GRAP2: variants seen among roughly 807,000 people sequenced by gnomAD.
The protein encoded by GRAP2 is GRB2-related adapter protein 2.
In GRAP2, 31 loss-of-function variants were observed where a neutral mutation model predicts 43.5. The ratio of observed to expected loss-of-function variants is 0.71; its 90% CI spans 0.54 to 0.96. GRAP2 has a LOEUF of 0.96. Ranked by LOEUF, GRAP2 falls within the 40% of genes least tolerant of loss-of-function variation. The pLI, the probability that GRAP2 is intolerant of heterozygous loss-of-function variation, is 0.00. For missense variants in GRAP2, 371 were observed against 424.4 expected (o/e 0.87, Z 1.11); for synonymous variants, 156 against 164.8 (o/e 0.95, Z 0.41).
intron 2 of GRAP2, among the ~76,000 whole-genome samples, chr22:39,949,455 G>A (rs1185053134): frequency 6.6e-6 from 1 of 152,210 alleles, no homozygotes; most frequent in Non-Finnish European, 1.5e-5. Context: ...GCTAGCATGT[G>A]ACCAATCCAG....
At chr22:39,943,968 C>T (rs2066895951) in intron 1 of GRAP2, among the ~76,000 whole-genome samples, 1 of 152,090 alleles carries the variant, frequency 6.6e-6, no homozygotes, top group Non-Finnish European at 1.5e-5. Context: ...ATCCGCCCGC[C>T]TCCTGGGATT....
At chr22:39,952,179 A>G (rs2066991806) in intron 2 of GRAP2, among the ~76,000 whole-genome samples, 1 of 151,956 alleles carries the variant, frequency 6.6e-6, no homozygotes, top group South Asian at 2.1e-4. Context: ...GGCATGCACC[A>G]CCATGCCTGG....
At chr22:39,944,181 T>G (rs1322211476) in intron 1 of GRAP2, among the ~76,000 whole-genome samples, 1 of 152,258 alleles carries the variant, frequency 6.6e-6, no homozygotes, top group African/African-American at 2.4e-5. Flanking sequence ...CAATGCAGTA[T>G]GTAGTGGTGG....
At chr22:39,902,375 A>G (rs187056634) in intron 1 of GRAP2, among the ~76,000 whole-genome samples, 72 of 152,340 alleles carry the variant, frequency 4.7e-4, no homozygotes, top group Middle Eastern at 3.4e-3. Context: ...CCAGTATTTT[A>G]TGTAAAACTT....
intron 1 of GRAP2, among the ~76,000 whole-genome samples, chr22:39,901,632 A>G (rs1260417932): frequency 6.6e-6 from 1 of 152,168 alleles, no homozygotes; most frequent in East Asian, 1.9e-4. Context: ...GGGATCATGG[A>G]GGTAAAATTC....
intron 4 of GRAP2, chr22:39,964,349 G>A: frequency 1.4e-6 from 1 of 710,608 alleles, no homozygotes; most frequent in Non-Finnish European, 2.5e-6. Flanking sequence ...CCAGTGGCAG[G>A]GTCTGGGGAA....
intron 4 of GRAP2, chr22:39,964,509 G>A (rs547519600): frequency 1.1e-5 from 11 of 1,009,870 alleles, no homozygotes; most frequent in Middle Eastern, 3.0e-4. Context: ...TGCTAAAAGC[G>A]AAGGTCGTGG....
chr22:39,947,022 A>G, intron 1 of GRAP2, 71 bp from the exon 2 acceptor site: 1 of 880,806 alleles, frequency 1.1e-6, no homozygotes, highest in East Asian at 2.4e-5. Flanking sequence ...GCTGATTACC[A>G]GGAAGCACCA....
chr22:39,920,943 G>GACACACACACACACACAC (rs137974), intron 1 of GRAP2, among the ~76,000 whole-genome samples: 10 of 142,586 alleles, frequency 7.0e-5, no homozygotes, highest in African/African-American at 5.1e-5. Context: ...TCTCTACACA[G>GACACACACACACACACAC]ACACACACAC....
Position 39,950,486 on chromosome 22 carries a change from G to A in GRAP2, c.78+3302G>A, listed in dbSNP as rs189083770. On this transcript the variant is annotated intron_variant, in intron 2 of 7. Transcript: ENST00000344138. ...TGTTTCTGCCTCAATGTCTAGAAGAGCTGTGCCTAGAACTCCCTGACACTT... is the reference window on the plus strand; with the variant it reads ...TGTTTCTGCCTCAATGTCTAGAAGAACTGTGCCTAGAACTCCCTGACACTT... Among the ~76,000 whole-genome samples the A allele has an allele frequency of 6.6e-5, 10 of 152,330 alleles. No individual in the cohort carries two copies. The East Asian group carries it at 1.7e-3, about 26-fold the overall frequency.
At chr22:39,950,749 G>C (rs2066973469) in intron 2 of GRAP2, among the ~76,000 whole-genome samples, 1 of 152,212 alleles carries the variant, frequency 6.6e-6, no homozygotes, top group African/African-American at 2.4e-5. Flanking sequence ...TGCAGGTAAA[G>C]AGCAAAATGG....
chr22:39,910,742 A>T (rs74534053), intron 1 of GRAP2, among the ~76,000 whole-genome samples: 3 of 100,916 alleles, frequency 3.0e-5, no homozygotes, highest in South Asian at 2.5e-4. Context: ...CTGTTGATTT[A>T]AAAAAAAAAA....
At chr22:39,968,322 C>A in intron 6 of GRAP2, 50 bp downstream of exon 6, 1 of 1,584,774 alleles carries the variant, frequency 6.3e-7, no homozygotes, top group Non-Finnish European at 8.6e-7. Flanking sequence ...GGAGAACCTG[C>A]CTCCCCTCCA....
At chr22:39,944,810 AT>A (rs1233725338) in intron 1 of GRAP2, among the ~76,000 whole-genome samples, 2 of 152,094 alleles carry the variant, frequency 1.3e-5, no homozygotes, top group Admixed American at 1.3e-4. Context: ...TGCCTGGGAT[AT>A]TTTTTCATTT....
chr22:39,971,527 C>T lies in GRAP2; in HGVS notation c.*443C>T, dbSNP rs1397817904. On this transcript the variant is annotated 3_prime_UTR_variant, in exon 8 of 8. Coordinates refer to ENST00000344138, the MANE Select transcript of GRAP2 (RefSeq NM_004810.4). ...CTAGCTGACCTGCAAGCCCCGCTCA[C>T]CTGGAGGGCTTGCAGAGCAGCTCTC... is the stretch of plus-strand genomic sequence containing the variant. 6.1e-6 allele frequency: 1 copy of T among 162,846 alleles called. No homozygotes were observed. Among genetic ancestry groups the T allele is most frequent in the Non-Finnish European group, 1.3e-5 (1 of 75,762 alleles). 10.1% of individuals were successfully genotyped at this position (162,846 alleles called of 1,614,324 possible). A position where few individuals can be genotyped will look rare whatever the true frequency, so the allele number is the denominator to read the frequency against.
chr22:39,899,847 A>G (rs1033305506), upstream of GRAP2, among the ~76,000 whole-genome samples: 7 of 152,088 alleles, frequency 4.6e-5, no homozygotes, highest in African/African-American at 1.4e-4. Flanking sequence ...TTAGCCAGGC[A>G]TGGTGGCAGG....
intron 3 of GRAP2, among the ~76,000 whole-genome samples, chr22:39,959,003 A>G (rs1400619524): frequency 1.3e-5 from 2 of 152,244 alleles, no homozygotes; most frequent in Admixed American, 6.5e-5. Context: ...AAGCACAGAG[A>G]ATTGCTCACA....
Position 39,968,246 on chromosome 22 carries a change from T to C in GRAP2, c.664T>C (p.Tyr222His), listed in dbSNP as rs754006096. ...QQLQQPPQQR[Y>H]LQHHHFHQER... ...GCTGCAGCAGCCCCCACAGCAGCGA[T>C]ATCTGCAGCACCACCATTTCCACCA... Residue 222 changes from tyrosine to histidine, a missense_variant, in exon 6 of 8, where the codon TAT (tyrosine) becomes CAT (histidine). By Grantham distance (83) the Tyr-to-His change is moderately conservative. Transcript: ENST00000344138. The C allele has an allele frequency of 7.5e-6, 12 of 1,610,724 alleles. No individual in the cohort carries two copies.
At chr22:39,965,948 A>T in intron 4 of GRAP2, 42 bp from the exon 5 acceptor site, 1 of 1,527,776 alleles carries the variant, frequency 6.5e-7, no homozygotes, top group South Asian at 1.1e-5. Context: ...TGGTGACATT[A>T]TCACCGTGTA....
Sources: allele counts gnomAD v4.1 joint callset (sites outside exome capture counted in the v4.1 genomes callset), GRCh38; gene constraint gnomAD v4.1.1; transcripts MANE v1.5; gene names NCBI Gene and HGNC (gene_info 2026-07-23, HGNC 2026-07-21).